SLC16A1: variants seen among roughly 807,000 people sequenced by gnomAD.
SLC16A1 encodes the protein solute carrier family 16 member 1.
Under a neutral mutation model 32.2 loss-of-function variants are expected in SLC16A1, and 11 were observed. The ratio of observed to expected loss-of-function variants is 0.34; its 90% CI spans 0.21 to 0.56. SLC16A1 has a LOEUF of 0.56. SLC16A1 is among the 20% of genes least tolerant of loss of function. SLC16A1 has a pLI of 0.87. For missense variants in SLC16A1, 435 were observed against 615.0 expected (o/e 0.71, Z 3.10); for synonymous variants, 231 against 226.8 (o/e 1.02, Z -0.17).
At chr1:112,933,449 G>C (rs1400199573) in intron 1 of SLC16A1, among the ~76,000 whole-genome samples, 1 of 137,106 alleles carries the variant, frequency 7.3e-6, no homozygotes, top group African/African-American at 2.7e-5. Context: ...CAGCGAGACT[G>C]CGTCTCAAAA....
chr1:112,939,181 G>T (rs1463664639), intron 1 of SLC16A1, among the ~76,000 whole-genome samples: 2 of 152,126 alleles, frequency 1.3e-5, no homozygotes, highest in East Asian at 3.9e-4. Flanking sequence ...GTGAGCCACC[G>T]TGCCCGGCCA....
Position 112,912,186 on chromosome 1 carries a change from G to A in SLC16A1, c.*1705C>T, listed in dbSNP as rs980488617. 6.6e-6 allele frequency: 1 copy of A among 152,250 alleles called. No individual in the cohort carries two copies. Among genetic ancestry groups the A allele is most frequent in the Non-Finnish European group, 1.5e-5 (1 of 68,046 alleles). The allele number at this position is 152,250 out of a possible 1,614,324, so 9.4% of individuals were successfully genotyped here. A position where few individuals can be genotyped will look rare whatever the true frequency, so the allele number is the denominator to read the frequency against. On this transcript the variant is annotated 3_prime_UTR_variant, in exon 5 of 5. Transcript: ENST00000369626. ...CTCCTCCTTGCCTTACAGCAAAGAA[G>A]AGGAAAGGAGAAATTCAAATGAAAA... is the stretch of plus-strand genomic sequence containing the variant.
chr1:112,925,580 T>C (rs926382940), intron 2 of SLC16A1, among the ~76,000 whole-genome samples: 1 of 151,844 alleles, frequency 6.6e-6, no homozygotes, highest in African/African-American at 2.4e-5. Flanking sequence ...GGTTTTACCA[T>C]GTTGCCCAGG....
At chr1:112,948,220 C>T (rs1352860762) in intron 1 of SLC16A1, among the ~76,000 whole-genome samples, 5 of 151,218 alleles carry the variant, frequency 3.3e-5, no homozygotes, top group African/African-American at 4.9e-5. Flanking sequence ...AAACTCCAGC[C>T]GGGGGCGGCG....
intron 1 of SLC16A1, among the ~76,000 whole-genome samples, chr1:112,937,510 T>C (rs1327322968): frequency 6.6e-6 from 1 of 152,162 alleles, no homozygotes; most frequent in Non-Finnish European, 1.5e-5. Context: ...CCCTGTTAAC[T>C]TAAAAATACT....
intron 1 of SLC16A1, among the ~76,000 whole-genome samples, chr1:112,942,103 C>T (rs954462405): frequency 6.6e-6 from 1 of 152,276 alleles, no homozygotes; most frequent in East Asian, 1.9e-4. Context: ...TCCCAAGTAG[C>T]TGGGATTACA....
chr1:112,920,783 A>G (rs1648697225), intron 3 of SLC16A1, among the ~76,000 whole-genome samples: 1 of 152,194 alleles, frequency 6.6e-6, no homozygotes, highest in Non-Finnish European at 1.5e-5. Flanking sequence ...ATAAAAATTT[A>G]TATGTTTAAT....
In SLC16A1 at chr1:112,923,638, C is replaced by T. The variant is rs866498426; in HGVS notation, c.218-1505G>A. 5.3e-5 allele frequency: 77 copies of T among 1,442,678 alleles called. 1 individual carries two copies. The highest frequency in any genetic ancestry group is 5.0e-4 in the African/African-American group (36 of 71,392). 89.4% of individuals were successfully genotyped at this position (1,442,678 alleles called of 1,614,324 possible). On this transcript the variant is annotated intron_variant, in intron 2 of 4. Transcript: ENST00000369626. ...GACAGTCTCCGGTTCCAGCTGGAGA[C>T]GTCACTGAAGTGGCTGCAGTGTCCC...
chr1:112,929,859 A>C (rs904207966), intron 1 of SLC16A1, among the ~76,000 whole-genome samples: 1 of 152,064 alleles, frequency 6.6e-6, no homozygotes, highest in Non-Finnish European at 1.5e-5. Flanking sequence ...TAAATACATA[A>C]ATAAATTGGT....
intron 1 of SLC16A1, chr1:112,936,107 G>C (rs891693273): frequency 6.6e-6 from 1 of 152,086 alleles, no homozygotes; most frequent in Non-Finnish European, 1.5e-5. Flanking sequence ...AACCAATCAA[G>C]TAAAAGAGAT....
intron 1 of SLC16A1, among the ~76,000 whole-genome samples, chr1:112,934,558 G>T (rs1053353502): frequency 6.6e-6 from 1 of 152,152 alleles, no homozygotes; most frequent in Non-Finnish European, 1.5e-5. Flanking sequence ...AAAACCAAAA[G>T]AAAGTCCAAG....
chr1:112,923,547 A>C, intron 2 of SLC16A1: 1 of 1,204,512 alleles, frequency 8.3e-7, no homozygotes, highest in Non-Finnish European at 1.2e-6. Context: ...CCAGTCCAAG[A>C]CCATCCTGGG....
At chr1:112,940,231 T>G (rs929960909) in intron 1 of SLC16A1, among the ~76,000 whole-genome samples, 4 of 151,670 alleles carry the variant, frequency 2.6e-5, no homozygotes, top group African/African-American at 9.7e-5. Flanking sequence ...AGAGATGAAG[T>G]TTTGCCGTGT....
At chr1:112,927,214 T>A (rs1262283238) in intron 2 of SLC16A1, among the ~76,000 whole-genome samples, 1 of 151,894 alleles carries the variant, frequency 6.6e-6, no homozygotes, top group Non-Finnish European at 1.5e-5. Context: ...AGTTAAAGTT[T>A]TTGAAATATT....
At chr1:112,945,812 G>A (rs942984681) in intron 1 of SLC16A1, among the ~76,000 whole-genome samples, 1 of 151,752 alleles carries the variant, frequency 6.6e-6, no homozygotes, top group African/African-American at 2.4e-5. Flanking sequence ...GACCAACATG[G>A]AGAAACCCCA....
Position 112,926,726 on chromosome 1 carries a change from TAGCCG to T in SLC16A1, c.217+2361_217+2365del, listed in dbSNP as rs1194900139. Among the ~76,000 whole-genome samples the T allele has an allele frequency of 2.0e-5, 3 of 151,750 alleles. No individual in the cohort carries two copies. In the East Asian group the frequency reaches 5.8e-4, roughly 29 times the overall value. ...CCATCTCTACAAAAAATACAAAAAT[TAGCCG>T]AGTGTGGTGGTGCAAGCCTGTAGTC... On this transcript the variant is annotated intron_variant, in intron 2 of 4. Coordinates refer to ENST00000369626, the MANE Select transcript of SLC16A1 (RefSeq NM_003051.4).
At chr1:112,925,014 A>G (rs1648889942) in intron 2 of SLC16A1, among the ~76,000 whole-genome samples, 1 of 152,242 alleles carries the variant, frequency 6.6e-6, no homozygotes, top group African/African-American at 2.4e-5. Context: ...AACAGTCAAC[A>G]CAACGTGGGT....
intron 4 of SLC16A1, among the ~76,000 whole-genome samples, chr1:112,916,195 TG>T (rs1648498142): frequency 6.6e-6 from 1 of 151,416 alleles, no homozygotes. Flanking sequence ...TTTTGCTTTT[TG>T]TGTGTTTTTA....
At chr1:112,922,402 T>C in intron 2 of SLC16A1, 2 of 462,958 alleles carry the variant, frequency 4.3e-6, no homozygotes, top group South Asian at 2.1e-5. Flanking sequence ...CTTTCTCTTT[T>C]ATGGCAGGGC....
Sources: allele counts gnomAD v4.1 joint callset (sites outside exome capture counted in the v4.1 genomes callset), GRCh38; gene constraint gnomAD v4.1.1; transcripts MANE v1.5; gene names NCBI Gene and HGNC (gene_info 2026-07-23, HGNC 2026-07-21).